The following PLD1 variants were observed in gnomAD, a reference collection of about 807,000 sequenced individuals.
PLD1 encodes phospholipase D1, also known as choline phosphatase 1.
Under a neutral mutation model 137.1 loss-of-function variants are expected in PLD1, and 112 were observed. That is an observed-to-expected ratio of 0.82 (90% CI 0.70 to 0.96). The LOEUF (loss-of-function observed/expected upper bound fraction) is 0.96, where lower values mean the gene tolerates loss of function less well. PLD1 is among the 40% of genes least tolerant of loss of function. The probability of loss-of-function intolerance (pLI) is 0.00; values close to 1 mark genes in which losing one functional copy is unlikely to be tolerated. For synonymous variants in PLD1, 431 were observed against 454.7 expected, an observed-to-expected ratio of 0.95 and a Z score of 0.66; for missense variants, 1,321 against 1,342.0, an observed-to-expected ratio of 0.98 and a Z score of 0.24.
At chr3:171,747,502 C>G (rs1400512951) in intron 1 of PLD1, among the ~76,000 whole-genome samples, 5 of 148,728 alleles carry the variant, frequency 3.4e-5, no homozygotes, top group African/African-American at 1.2e-4. Flanking sequence ...AGAATTATAA[C>G]TACTCCCATT....
At chr3:171,772,792 T>A (rs901897591) in intron 1 of PLD1, among the ~76,000 whole-genome samples, 3 of 152,152 alleles carry the variant, frequency 2.0e-5, no homozygotes, top group African/African-American at 7.2e-5. Flanking sequence ...TATTATTAAA[T>A]TTTTCCCCAC....
intron 23 of PLD1, among the ~76,000 whole-genome samples, chr3:171,639,396 T>C (rs1231579906): frequency 2.4e-5 from 3 of 126,394 alleles, no homozygotes; most frequent in African/African-American, 9.4e-5. Context: ...TACATGTAAA[T>C]TATATATTTA....
intron 8 of PLD1, among the ~76,000 whole-genome samples, chr3:171,722,775 A>C (rs905162397): frequency 1.3e-5 from 2 of 152,160 alleles, no homozygotes; most frequent in Non-Finnish European, 2.9e-5. Context: ...TGCAACCGGC[A>C]CTACCGTCTT....
In PLD1 at chr3:171,710,872, C is replaced by CTTTTTTTTTTTTT. The variant is rs774704143; in HGVS notation, c.912-1176_912-1164dup. The stretch of plus-strand genomic sequence containing the variant: ...TTTCACTAATCATAGGAAAACTGTT[C>CTTTTTTTTTTTTT]TTTTTTTTTTTTTTTTTTTGAGACG... On this transcript the variant is annotated intron_variant, in intron 9 of 26. Transcript: ENST00000351298. 4.3e-3 allele frequency among the ~76,000 whole-genome samples: 426 copies of CTTTTTTTTTTTTT among 98,540 alleles called. 52 individuals carry two copies. Among genetic ancestry groups the CTTTTTTTTTTTTT allele is most frequent in the African/African-American group, 0.018 (393 of 21,350 alleles). 64.6% of individuals were successfully genotyped at this position (98,540 alleles called of 152,430 possible). A position where few individuals can be genotyped will look rare whatever the true frequency, so the allele number is the denominator to read the frequency against.
chr3:171,777,803 A>G (rs1466526459), intron 1 of PLD1, among the ~76,000 whole-genome samples: 1 of 152,202 alleles, frequency 6.6e-6, no homozygotes, highest in Non-Finnish European at 1.5e-5. Flanking sequence ...TTAAAAAAAA[A>G]CAAAATTGCT....
chr3:171,642,944 A>C, intron 22 of PLD1, 55 bp from the exon 23 acceptor site: 2 of 950,376 alleles, frequency 2.1e-6, no homozygotes, highest in Non-Finnish European at 3.4e-6. Flanking sequence ...AACCAATCCC[A>C]TGCAGTATCT....
intron 1 of PLD1, among the ~76,000 whole-genome samples, chr3:171,800,702 T>C (rs1404225728): frequency 1.3e-5 from 2 of 152,142 alleles, no homozygotes; most frequent in Non-Finnish European, 2.9e-5. Context: ...AGGTGGCTTA[T>C]AAACAACAGA....
At chr3:171,630,773 C>G (rs1734590437) in intron 23 of PLD1, among the ~76,000 whole-genome samples, 1 of 146,724 alleles carries the variant, frequency 6.8e-6, no homozygotes, top group Non-Finnish European at 1.5e-5. Context: ...AACAAAAAAC[C>G]AAACACCACA....
chr3:171,609,555 C>CACAA (rs1365613180), intron 25 of PLD1, among the ~76,000 whole-genome samples: 2 of 134,546 alleles, frequency 1.5e-5, no homozygotes, highest in African/African-American at 5.7e-5. Flanking sequence ...CACACACACA[C>CACAA]CAGAGAAAAC....
chr3:171,778,521 T>C, intron 1 of PLD1, among the ~76,000 whole-genome samples: 1 of 152,110 alleles, frequency 6.6e-6, no homozygotes, highest in Non-Finnish European at 1.5e-5. Flanking sequence ...TTAGATAAGA[T>C]GGTCAGAAGA....
rs1264799163 is a variant in PLD1 at position 171,726,052 on chromosome 3, G to C, written c.631C>G (p.Leu211Val). 1 of 1,612,408 alleles carries C rather than the reference G, an allele frequency of 6.2e-7. No individual in the cohort carries two copies. Among genetic ancestry groups the C allele is most frequent in the African/African-American group, 1.3e-5 (1 of 74,988 alleles). ...ATTEFLDISQ[L>V]SFIHDLGPKG... ...GGTCCCAAATCATGGATGAAAGACAGCTGGCTTATATCAAGAAACTCTGTC... is the reference window on the plus strand; with the variant it reads ...GGTCCCAAATCATGGATGAAAGACACCTGGCTTATATCAAGAAACTCTGTC... Residue 211 changes from leucine to valine, a missense_variant, in exon 7 of 27, where the codon CTG (leucine) becomes GTG (valine). Transcript: ENST00000351298.
chr3:171,679,731 A>T (rs1450647668), intron 16 of PLD1, among the ~76,000 whole-genome samples: 4 of 152,198 alleles, frequency 2.6e-5, no homozygotes, highest in Non-Finnish European at 5.9e-5. Flanking sequence ...TCATAATTCA[A>T]ATTTGTTTTT....
intron 23 of PLD1, among the ~76,000 whole-genome samples, chr3:171,639,548 TA>T (rs1393455949): frequency 9.8e-6 from 1 of 101,554 alleles, no homozygotes; most frequent in Non-Finnish European, 1.8e-5. Context: ...TATAAATATA[TA>T]TTCATATAAT....
At chr3:171,686,068 G>A (rs1278400666) in intron 16 of PLD1, among the ~76,000 whole-genome samples, 2 of 148,422 alleles carry the variant, frequency 1.3e-5, no homozygotes, top group Non-Finnish European at 3.0e-5. Context: ...AGGGTGCAGT[G>A]AGCCAAGACG....
intron 23 of PLD1, among the ~76,000 whole-genome samples, chr3:171,627,324 T>C (rs1055485607): frequency 2.0e-5 from 3 of 152,104 alleles, no homozygotes; most frequent in Non-Finnish European, 2.9e-5. Context: ...CCTAAATATA[T>C]ATGCACCCAA....
chr3:171,662,181 G>A lies in PLD1; in HGVS notation c.2230-11C>T. ...AGCAGAGCGGAGCAACTACAAGGCAGCAATCAGAAATGAACAAGTATTAGC... is the reference window on the plus strand; with the variant it reads ...AGCAGAGCGGAGCAACTACAAGGCAACAATCAGAAATGAACAAGTATTAGC... On this transcript the variant is annotated splice_polypyrimidine_tract_variant and intron_variant, in intron 19 of 26. Coordinates refer to ENST00000351298, the MANE Select transcript of PLD1 (RefSeq NM_002662.5). 1 of 1,518,862 alleles carries A rather than the reference G, an allele frequency of 6.6e-7. No individual in the cohort carries two copies. The highest frequency in any genetic ancestry group is 9.1e-7 in the Non-Finnish European group (1 of 1,094,584). The allele number at this position is 1,518,862 out of a possible 1,614,324, so 94.1% of individuals were successfully genotyped here.
chr3:171,655,966 C>T (rs1196440938), intron 21 of PLD1, among the ~76,000 whole-genome samples: 1 of 152,040 alleles, frequency 6.6e-6, no homozygotes, highest in African/African-American at 2.4e-5. Context: ...ACAAAGCAAA[C>T]TTGAAATTGC....
rs563521823 is a variant in PLD1, at chr3:171,710,124, G to A, written c.912-415C>T. Among the ~76,000 whole-genome samples the A allele has an allele frequency of 2.6e-5, 4 of 151,980 alleles. No homozygotes were observed. The South Asian group carries it at 8.3e-4, about 32-fold the overall frequency. On this transcript the variant is annotated intron_variant, in intron 9 of 26. Coordinates refer to ENST00000351298, the MANE Select transcript of PLD1 (RefSeq NM_002662.5). Reference sequence around the variant, plus strand: ...GTCGCCCAGGCTGGAGTGCAGTGGCGCGATCTAGGCTCACTGCAAGCTCCA... The same window carrying A: ...GTCGCCCAGGCTGGAGTGCAGTGGCACGATCTAGGCTCACTGCAAGCTCCA...
chr3:171,738,060 T>C lies in PLD1; in HGVS notation c.-9A>G. On this transcript the variant is annotated 5_prime_UTR_variant, in exon 2 of 27. Coordinates refer to ENST00000351298, the MANE Select transcript of PLD1 (RefSeq NM_002662.5). ...TCGTTTTTCAGTGACATGTTAACTT[T>C]GGACAGAGTAAAAGCAAAGGGGCTA... 6.2e-7 allele frequency: 1 copy of C among 1,609,324 alleles called. No individual in the cohort carries two copies. Among genetic ancestry groups the C allele is most frequent in the South Asian group, 1.1e-5 (1 of 90,156 alleles).
Sources: allele counts gnomAD v4.1 joint callset (sites outside exome capture counted in the v4.1 genomes callset), GRCh38; gene constraint gnomAD v4.1.1; transcripts MANE v1.5; gene names NCBI Gene and HGNC (gene_info 2026-07-23, HGNC 2026-07-21).